Variants in ATRNL1 observed in about 807,000 individuals in gnomAD.
ATRNL1 encodes the protein attractin-like protein 1.
In ATRNL1, 95 loss-of-function variants were observed where a neutral mutation model predicts 182.7. The observed-to-expected ratio is 0.52, with a 90% CI of 0.44 to 0.62. ATRNL1 has a LOEUF of 0.62. ATRNL1 is among the 20% of genes least tolerant of loss of function. The pLI is 0.00. For missense variants in ATRNL1, 1,471 were observed against 1,679.5 expected (o/e 0.88, Z 2.17); for synonymous variants, 576 against 568.3 (o/e 1.01, Z -0.19).
intron 25 of ATRNL1, among the ~76,000 whole-genome samples, chr10:115,520,547 G>T (rs1850875154): frequency 6.6e-6 from 1 of 152,234 alleles, no homozygotes; most frequent in Admixed American, 6.5e-5. Context: ...TCAGCCTGTG[G>T]ACATAATTTG....
At chr10:115,524,041 G>A (rs1370016800) in intron 25 of ATRNL1, among the ~76,000 whole-genome samples, 1 of 152,168 alleles carries the variant, frequency 6.6e-6, no homozygotes, top group Non-Finnish European at 1.5e-5. Context: ...TGGTGGAAGA[G>A]GAAGGGGAGC....
rs1474938708 is a variant in ATRNL1, at chr10:115,662,275, C to T, written c.3796-64973C>T. ...TGTCTTTATAGATACCATCTCACACCAGTTCGAATGGTGATCATTAAAAAG... is the reference window on the plus strand; with the variant it reads ...TGTCTTTATAGATACCATCTCACACTAGTTCGAATGGTGATCATTAAAAAG... On this transcript the variant is annotated intron_variant, in intron 26 of 28. Coordinates refer to ENST00000355044, the MANE Select transcript of ATRNL1 (RefSeq NM_207303.4). Among the ~76,000 whole-genome samples, 20 of 152,126 alleles carry T rather than the reference C, an allele frequency of 1.3e-4. No homozygotes were observed. The East Asian group carries it at 3.9e-3, about 30-fold the overall frequency.
intron 28 of ATRNL1, among the ~76,000 whole-genome samples, chr10:115,903,633 A>G (rs1555113968): frequency 6.6e-6 from 1 of 152,152 alleles, no homozygotes; most frequent in African/African-American, 2.4e-5. Context: ...CCTGTCTTAT[A>G]TTTATCACCT....
At chr10:115,649,795 T>A (rs1322907164) in intron 26 of ATRNL1, among the ~76,000 whole-genome samples, 9 of 152,174 alleles carry the variant, frequency 5.9e-5, no homozygotes, top group Non-Finnish European at 1.3e-4. Flanking sequence ...AGGTCAAATT[T>A]AAAATTTGTG....
intron 27 of ATRNL1, among the ~76,000 whole-genome samples, chr10:115,826,839 C>T (rs1308782262): frequency 6.6e-6 from 1 of 151,994 alleles, no homozygotes; most frequent in Non-Finnish European, 1.5e-5. Context: ...TCAGAAAGAA[C>T]CAATTGAAAA....
intron 18 of ATRNL1, among the ~76,000 whole-genome samples, chr10:115,320,316 G>T (rs1554931016): frequency 6.6e-6 from 1 of 152,048 alleles, no homozygotes; most frequent in Non-Finnish European, 1.5e-5. Flanking sequence ...TTGTCTGGCT[G>T]CCATTGACAT....
In ATRNL1 at chr10:115,355,859, C is replaced by T. The variant is rs1243918075; in HGVS notation, c.3175+21440C>T. Reference sequence around the variant, plus strand: ...TTTTTATAGGTTTTTGAATAGTAGGCTTATCTGATTTTCTTAATTTCTCTC... The same window carrying T: ...TTTTTATAGGTTTTTGAATAGTAGGTTTATCTGATTTTCTTAATTTCTCTC... On this transcript the variant is annotated intron_variant, in intron 19 of 28. Transcript: ENST00000355044. 2.6e-5 allele frequency among the ~76,000 whole-genome samples: 4 copies of T among 151,718 alleles called. No homozygotes were observed. In the South Asian group the frequency reaches 6.2e-4, roughly 24 times the overall value.
chr10:115,154,689 A>G (rs907601595), intron 5 of ATRNL1, among the ~76,000 whole-genome samples: 23 of 152,126 alleles, frequency 1.5e-4, no homozygotes, highest in African/African-American at 5.6e-4. Context: ...AATGTTCTGT[A>G]AATGTCTGCT....
Position 115,727,425 on chromosome 10 carries a change from A to G in ATRNL1, c.3903+70A>G, listed in dbSNP as rs755066203. On this transcript the variant is annotated intron_variant, in intron 27 of 28. Coordinates refer to ENST00000355044, the MANE Select transcript of ATRNL1 (RefSeq NM_207303.4). ...TTATTATATTGCTTCTCTAATCTAC[A>G]TCTGCTTATGAAGCCAAACAGAGTC... 733 of 1,189,026 alleles carry G rather than the reference A, an allele frequency of 6.2e-4. 2 individuals carry two copies. Among genetic ancestry groups the G allele is most frequent in the Non-Finnish European group, 8.0e-4 (647 of 813,582 alleles). The allele number at this position is 1,189,026 out of a possible 1,614,324, so 73.7% of individuals were successfully genotyped here.
chr10:115,316,013 T>C (rs1329202433), intron 18 of ATRNL1, among the ~76,000 whole-genome samples: 1 of 152,202 alleles, frequency 6.6e-6, no homozygotes, highest in Non-Finnish European at 1.5e-5. Flanking sequence ...GTTTAAGTTT[T>C]GGGATACATG....
intron 27 of ATRNL1, among the ~76,000 whole-genome samples, chr10:115,742,577 T>C (rs1190433335): frequency 1.3e-5 from 2 of 152,138 alleles, no homozygotes; most frequent in Non-Finnish European, 2.9e-5. Context: ...GTTATCCATC[T>C]CCTTTCACTC....
At chr10:115,229,552 T>A (rs1020547413) in intron 9 of ATRNL1, among the ~76,000 whole-genome samples, 1 of 152,148 alleles carries the variant, frequency 6.6e-6, no homozygotes, top group South Asian at 2.1e-4. Flanking sequence ...AAATTTAATT[T>A]TATATATTTA....
At chr10:115,394,780 T>C (rs781911353) in intron 20 of ATRNL1, 28 bp downstream of exon 20, 4 of 1,503,282 alleles carry the variant, frequency 2.7e-6, no homozygotes, top group Non-Finnish European at 2.7e-6. Context: ...TTTAGAACTT[T>C]CGTGGATTGA....
At chr10:115,273,730 A>G (rs1554913983) in intron 13 of ATRNL1, among the ~76,000 whole-genome samples, 1 of 152,266 alleles carries the variant, frequency 6.6e-6, no homozygotes, top group East Asian at 1.9e-4. Context: ...TCCTCTGTCA[A>G]GTGATCTAGG....
chr10:115,844,447 C>G (rs1214808591), intron 27 of ATRNL1, among the ~76,000 whole-genome samples: 1 of 152,000 alleles, frequency 6.6e-6, no homozygotes, highest in African/African-American at 2.4e-5. Context: ...ATTTTCAGAA[C>G]AAATTATTAG....
intron 20 of ATRNL1, among the ~76,000 whole-genome samples, chr10:115,416,292 G>A (rs1169202345): frequency 3.7e-4 from 56 of 152,002 alleles, no homozygotes; most frequent in Admixed American, 3.7e-3. Flanking sequence ...TTAGCTTTTT[G>A]GAGGTACCTG....
chr10:115,094,762 T>G (rs2084970689), intron 1 of ATRNL1, among the ~76,000 whole-genome samples: 1 of 152,188 alleles, frequency 6.6e-6, no homozygotes, highest in Non-Finnish European at 1.5e-5. Flanking sequence ...CCAAATCAGC[T>G]GGCACATTCT....
chr10:115,574,139 G>A (rs868934547), intron 26 of ATRNL1, among the ~76,000 whole-genome samples: 4 of 151,594 alleles, frequency 2.6e-5, no homozygotes, highest in African/African-American at 9.7e-5. Flanking sequence ...TACAGCTGCA[G>A]TTTTATATGT....
intron 1 of ATRNL1, among the ~76,000 whole-genome samples, chr10:115,113,137 A>T (rs1207399105): frequency 1.3e-5 from 2 of 152,220 alleles, no homozygotes; most frequent in Non-Finnish European, 2.9e-5. Context: ...AGCGAAGGTC[A>T]TGGCAGCAGT....
Sources: gnomAD v4.1 joint callset for allele counts (sites outside exome capture counted in the v4.1 genomes callset) on GRCh38, gnomAD v4.1.1 for gene constraint, MANE v1.5 for transcripts, NCBI Gene and HGNC (gene_info 2026-07-23, HGNC 2026-07-21) for gene names.